Variants in KDM4C observed in about 807,000 individuals in gnomAD.
KDM4C encodes lysine-specific demethylase 4C.
A neutral mutation model predicts 129.3 loss-of-function variants in KDM4C; 81 were observed. The ratio of observed to expected loss-of-function variants is 0.63; its 90% CI spans 0.52 to 0.75. The LOEUF is 0.75. Ranked by LOEUF, KDM4C falls within the 30% of genes least tolerant of loss-of-function variation. The pLI is 0.00. For missense variants in KDM4C, 1,457 were observed against 1,304.0 expected (o/e 1.12, Z -1.81); for synonymous variants, 573 against 456.1 (o/e 1.26, Z -3.26).
intron 2 of KDM4C, among the ~76,000 whole-genome samples, chr9:6,804,243 C>A (rs1249508931): frequency 1.3e-5 from 2 of 152,162 alleles, no homozygotes; most frequent in African/African-American, 2.4e-5. Flanking sequence ...TGCTGAGGCA[C>A]CTTATACTGG....
intron 8 of KDM4C, among the ~76,000 whole-genome samples, chr9:6,905,935 G>C (rs1327648611): frequency 6.6e-6 from 1 of 152,126 alleles, no homozygotes; most frequent in Non-Finnish European, 1.5e-5. Flanking sequence ...CGAAGAAAAT[G>C]ATTTGGAGTT....
chr9:6,746,264 T>TATATATGG (rs1588058539), intron 1 of KDM4C, among the ~76,000 whole-genome samples: 1 of 23,338 alleles, frequency 4.3e-5, no homozygotes, highest in Non-Finnish European at 9.1e-5. Flanking sequence ...ATATATATGT[T>TATATATGG]TTTTTTTTTT....
chr9:7,021,120 A>G lies in KDM4C; in HGVS notation c.2259+5191A>G, dbSNP rs151311195. ...TTGTCATTTGTACATACATATATAT[A>G]TGTGTGTGTGTGTGTGTGTGTATAT... On this transcript the variant is annotated intron_variant, in intron 15 of 21. Coordinates refer to ENST00000381309, the MANE Select transcript of KDM4C (RefSeq NM_015061.6). Among the ~76,000 whole-genome samples, 739 of 128,346 alleles carry G rather than the reference A, an allele frequency of 5.8e-3. 1 individual carries two copies. The highest frequency in any genetic ancestry group is 7.5e-3 in the Non-Finnish European group (449 of 60,188). 84.2% of individuals were successfully genotyped at this position (128,346 alleles called of 152,430 possible).
chr9:6,940,401 G>A (rs10975922), intron 8 of KDM4C, among the ~76,000 whole-genome samples: 2 of 152,102 alleles, frequency 1.3e-5, no homozygotes, highest in Non-Finnish European at 2.9e-5. Context: ...ATTATTGCCC[G>A]CTGTTGTCAC....
At chr9:7,136,154 T>A (rs939264947) in intron 19 of KDM4C, among the ~76,000 whole-genome samples, 11 of 152,244 alleles carry the variant, frequency 7.2e-5, no homozygotes, top group Admixed American at 4.6e-4. Context: ...TCAGACGCTT[T>A]GCAATGTTTA....
At chr9:6,895,303 G>T (rs1816220983) in intron 8 of KDM4C, among the ~76,000 whole-genome samples, 1 of 152,226 alleles carries the variant, frequency 6.6e-6, no homozygotes, top group South Asian at 2.1e-4. Flanking sequence ...CTCTGGGGAA[G>T]AATTCATTTC....
chr9:6,986,708 T>C, intron 11 of KDM4C, 42 bp downstream of exon 11: 1 of 1,412,872 alleles, frequency 7.1e-7, no homozygotes, highest in Non-Finnish European at 9.6e-7. Context: ...CATTATATGG[T>C]GAGAGCACAT....
chr9:7,096,248 A>C (rs1175024824), intron 17 of KDM4C, among the ~76,000 whole-genome samples: 1 of 152,216 alleles, frequency 6.6e-6, no homozygotes, highest in Non-Finnish European at 1.5e-5. Flanking sequence ...GTGTGCTATC[A>C]GCGAAGTGCT....
intron 16 of KDM4C, among the ~76,000 whole-genome samples, chr9:7,048,669 T>C (rs187492405): frequency 2.6e-5 from 4 of 152,240 alleles, no homozygotes; most frequent in Admixed American, 2.0e-4. Context: ...ATTTGTATTA[T>C]TTTAAAAGGT....
At chr9:6,981,785 T>A (rs1816805557) in intron 9 of KDM4C, 1 of 228,892 alleles carries the variant, frequency 4.4e-6, no homozygotes, top group Non-Finnish European at 1.1e-5. Context: ...GGGTCTTATG[T>A]TTTCCAATTT....
intron 5 of KDM4C, among the ~76,000 whole-genome samples, chr9:6,856,285 A>G (rs1164308601): frequency 1.3e-5 from 2 of 152,110 alleles, no homozygotes; most frequent in African/African-American, 4.8e-5. Context: ...TCTATTTAGT[A>G]ACTTTAGACC....
At chr9:6,736,415 G>C (rs1459238879) in intron 1 of KDM4C, among the ~76,000 whole-genome samples, 2 of 152,118 alleles carry the variant, frequency 1.3e-5, no homozygotes, top group Admixed American at 6.6e-5. Flanking sequence ...GGAAAAAGTG[G>C]TTCTGTGGGC....
chr9:6,789,192 T>C (rs1826055505), intron 1 of KDM4C, among the ~76,000 whole-genome samples: 1 of 150,164 alleles, frequency 6.7e-6, no homozygotes, highest in African/African-American at 2.5e-5. Context: ...GCTGGGACTA[T>C]AGGCGCTCAC....
intron 8 of KDM4C, among the ~76,000 whole-genome samples, chr9:6,935,615 C>G (rs1640714394): frequency 6.6e-6 from 1 of 151,600 alleles, no homozygotes; most frequent in Non-Finnish European, 1.5e-5. Flanking sequence ...GATATTGTGC[C>G]TATATTTCTC....
intron 8 of KDM4C, among the ~76,000 whole-genome samples, chr9:6,928,096 C>G (rs1390551854): frequency 6.6e-6 from 1 of 152,208 alleles, no homozygotes; most frequent in East Asian, 1.9e-4. Flanking sequence ...GGCTATCAAA[C>G]AGCTTTTATC....
chr9:6,864,359 A>T (rs923678300), intron 5 of KDM4C, among the ~76,000 whole-genome samples: 5 of 152,202 alleles, frequency 3.3e-5, no homozygotes. Flanking sequence ...TCATTGAGAG[A>T]TCTGTTGCCA....
At chr9:6,755,864 A>G (rs1818237207), upstream of KDM4C, among the ~76,000 whole-genome samples, 1 of 152,202 alleles carries the variant, frequency 6.6e-6, no homozygotes, top group Non-Finnish European at 1.5e-5. Flanking sequence ...AAGACTGTGA[A>G]GCACTTAATG....
intron 19 of KDM4C, among the ~76,000 whole-genome samples, chr9:7,138,129 A>C (rs1442312837): frequency 6.6e-6 from 1 of 152,242 alleles, no homozygotes; most frequent in African/African-American, 2.4e-5. Flanking sequence ...AAGAGGAATG[A>C]TAGAAGAAAA....
upstream of KDM4C, chr9:6,757,768 T>C: frequency 3.0e-6 from 3 of 985,568 alleles, no homozygotes; most frequent in Non-Finnish European, 3.6e-6. Flanking sequence ...TCTACGCGAG[T>C]ATCTTTCCCC....
Sources: allele counts gnomAD v4.1 joint callset (sites outside exome capture counted in the v4.1 genomes callset), GRCh38; gene constraint gnomAD v4.1.1; transcripts MANE v1.5; gene names NCBI Gene and HGNC (gene_info 2026-07-23, HGNC 2026-07-21).